Variants in DLG2 observed in about 807,000 individuals in gnomAD.
DLG2 encodes the protein disks large homolog 2.
In DLG2, 45 loss-of-function variants were observed where a neutral mutation model predicts 132.5. That is an observed-to-expected ratio of 0.34 (90% CI 0.27 to 0.44). The LOEUF is 0.44. Among genes scored for constraint, DLG2 ranks in the 20% least tolerant of loss-of-function variants. The pLI is 1.00. For missense variants in DLG2, 1,045 were observed against 1,196.9 expected (o/e 0.87, Z 1.87); for synonymous variants, 424 against 419.6 (o/e 1.01, Z -0.13).
At chr11:84,302,306 C>T (rs1220090657) in intron 7 of DLG2, among the ~76,000 whole-genome samples, 1 of 152,092 alleles carries the variant, frequency 6.6e-6, no homozygotes, top group African/African-American at 2.4e-5. Context: ...TGTAACAAAC[C>T]TGCATGTTCT....
chr11:85,148,044 G>C (rs986797256), intron 5 of DLG2, among the ~76,000 whole-genome samples: 1 of 152,004 alleles, frequency 6.6e-6, no homozygotes. Context: ...GAGGATGATG[G>C]TTTCTAGCTT....
Position 84,483,107 on chromosome 11 carries a change from T to A in DLG2, c.519+51463A>T, listed in dbSNP as rs374555182. Among the ~76,000 whole-genome samples the A allele has an allele frequency of 2.6e-4, 39 of 152,176 alleles. No homozygotes were observed. In the South Asian group the frequency reaches 7.3e-3, roughly 28 times the overall value. On this transcript the variant is annotated intron_variant, in intron 7 of 27. Transcript: ENST00000376104. ...TGGTCATTATTCATTAAGGAATACA[T>A]AAAGAACGACATCTGCATGTGATGA...
At chr11:84,291,226 T>C (rs1319065089) in intron 7 of DLG2, among the ~76,000 whole-genome samples, 1 of 152,122 alleles carries the variant, frequency 6.6e-6, no homozygotes, top group African/African-American at 2.4e-5. Flanking sequence ...TAAGTTAGCT[T>C]AGATATATAA....
intron 18 of DLG2, among the ~76,000 whole-genome samples, chr11:83,649,443 G>A (rs567005225): frequency 6.6e-6 from 1 of 152,178 alleles, no homozygotes; most frequent in South Asian, 2.1e-4. Flanking sequence ...GACTCAGCTT[G>A]TAAAGAACCA....
chr11:84,587,961 C>G (rs552799304), intron 6 of DLG2, among the ~76,000 whole-genome samples: 1 of 152,288 alleles, frequency 6.6e-6, no homozygotes, highest in Non-Finnish European at 1.5e-5. Context: ...AATCACTCCT[C>G]TTTTCAGTGC....
At chr11:84,838,451 C>A (rs1461607983) in intron 6 of DLG2, among the ~76,000 whole-genome samples, 1 of 150,936 alleles carries the variant, frequency 6.6e-6, no homozygotes, top group Non-Finnish European at 1.5e-5. Context: ...AGACAAAAAT[C>A]ACTGAAGTAT....
At chr11:83,605,007 CAGAGAGAG>C (rs71066055) in intron 19 of DLG2, among the ~76,000 whole-genome samples, 6 of 129,930 alleles carry the variant, frequency 4.6e-5, no homozygotes, top group Middle Eastern at 4.0e-3. Context: ...TTTTCAAAGA[CAGAGAGAG>C]AGAGAGAGAG....
At chr11:84,417,100 A>C (rs550475693) in intron 7 of DLG2, among the ~76,000 whole-genome samples, 1 of 152,344 alleles carries the variant, frequency 6.6e-6, no homozygotes, top group South Asian at 2.1e-4. Context: ...GAAGACAGCA[A>C]CATAGTGTCC....
chr11:85,594,634 T>C (rs2079600492), intron 3 of DLG2, among the ~76,000 whole-genome samples: 1 of 152,166 alleles, frequency 6.6e-6, no homozygotes, highest in South Asian at 2.1e-4. Flanking sequence ...TTCAATAAGT[T>C]ACAAAAAACA....
rs1022248584 is a variant in DLG2 at position 85,360,880 on chromosome 11, T to A, written c.41-75515A>T. 1.2e-4 allele frequency among the ~76,000 whole-genome samples: 19 copies of A among 152,260 alleles called. 1 individual carries two copies. The highest frequency in any genetic ancestry group is 4.6e-4 in the African/African-American group (19 of 41,554). Reference sequence around the variant, plus strand: ...GAAATGAAAGCTCAGAAAAGTTAACTTAGCCAAGGTCACCAACTTATAAAT... The same window carrying A: ...GAAATGAAAGCTCAGAAAAGTTAACATAGCCAAGGTCACCAACTTATAAAT... On this transcript the variant is annotated intron_variant, in intron 3 of 27. Coordinates refer to ENST00000376104, the MANE Select transcript of DLG2 (RefSeq NM_001142699.3).
chr11:84,315,122 T>G (rs2154394300), intron 7 of DLG2, among the ~76,000 whole-genome samples: 1 of 152,274 alleles, frequency 6.6e-6, no homozygotes, highest in Middle Eastern at 3.4e-3. Flanking sequence ...TGTTGCCTTC[T>G]TATATGTCAC....
intron 16 of DLG2, among the ~76,000 whole-genome samples, chr11:83,836,670 A>G (rs2056253507): frequency 6.6e-6 from 1 of 152,178 alleles, no homozygotes; most frequent in Non-Finnish European, 1.5e-5. Context: ...GAGTAACACC[A>G]GGAGGTAGAT....
chr11:84,877,581 C>T (rs1381579746), intron 6 of DLG2, among the ~76,000 whole-genome samples: 3 of 128,430 alleles, frequency 2.3e-5, no homozygotes, highest in Non-Finnish European at 4.7e-5. Flanking sequence ...GTATTTGGAG[C>T]CCAGGTGTGT....
intron 18 of DLG2, among the ~76,000 whole-genome samples, chr11:83,637,202 A>G (rs1045008803): frequency 6.6e-6 from 1 of 152,166 alleles, no homozygotes; most frequent in African/African-American, 2.4e-5. Flanking sequence ...AAAACCTAAC[A>G]CTACCATATC....
At chr11:84,860,153 C>T (rs1363131833) in intron 6 of DLG2, among the ~76,000 whole-genome samples, 1 of 152,144 alleles carries the variant, frequency 6.6e-6, no homozygotes, top group East Asian at 1.9e-4. Flanking sequence ...ATTTCAACCT[C>T]TTCGACTTAA....
At chr11:83,644,511 T>A (rs951616109) in intron 18 of DLG2, among the ~76,000 whole-genome samples, 1 of 152,118 alleles carries the variant, frequency 6.6e-6, no homozygotes, top group African/African-American at 2.4e-5. Context: ...TCTCCCTCAA[T>A]CTGAAGATTA....
At chr11:83,625,981 T>C (rs1202591786) in intron 19 of DLG2, among the ~76,000 whole-genome samples, 1 of 152,202 alleles carries the variant, frequency 6.6e-6, no homozygotes, top group Non-Finnish European at 1.5e-5. Context: ...AAAGATAGTC[T>C]TGGAATTAAT....
chr11:83,932,028 C>T (rs765326657), intron 14 of DLG2, among the ~76,000 whole-genome samples: 1 of 152,176 alleles, frequency 6.6e-6, no homozygotes, highest in Admixed American at 6.5e-5. Flanking sequence ...AGAGATATCA[C>T]ATCCAGTTTC....
At position 83,528,479 on chromosome 11, in the gene DLG2, G is replaced by A. The variant is rs975866144; in HGVS notation, c.2193+4229C>T. Among the ~76,000 whole-genome samples the A allele has an allele frequency of 3.9e-5, 6 of 151,988 alleles. No homozygotes were observed. In the South Asian group the frequency reaches 6.2e-4, roughly 16 times the overall value. The stretch of plus-strand genomic sequence containing the variant: ...CAACATGTCTGCAATTTCCACTATC[G>A]TGTTCATGCTTTTTCCTATGTATGT... On this transcript the variant is annotated intron_variant, in intron 21 of 27. Transcript: ENST00000376104.
Sources: gnomAD v4.1 joint callset for allele counts (sites outside exome capture counted in the v4.1 genomes callset) on GRCh38, gnomAD v4.1.1 for gene constraint, MANE v1.5 for transcripts, NCBI Gene and HGNC (gene_info 2026-07-23, HGNC 2026-07-21) for gene names.